The following HSPG2 variants were observed in gnomAD, a reference collection of about 807,000 sequenced individuals.
The protein encoded by HSPG2 is heparan sulfate proteoglycan 2.
A neutral mutation model predicts 526.6 loss-of-function variants in HSPG2; 278 were observed. The ratio of observed to expected loss-of-function variants is 0.53; its 90% CI spans 0.48 to 0.58. HSPG2 has a LOEUF of 0.58. HSPG2 is among the 20% of genes least tolerant of loss of function. HSPG2 has a pLI of 0.00. For missense variants in HSPG2, 5,354 were observed against 6,099.5 expected (o/e 0.88, Z 4.07); for synonymous variants, 2,465 against 2,555.4 (o/e 0.96, Z 1.07).
At chr1:21,852,868 A>C (rs1485310909) in intron 51 of HSPG2, 36 bp from the exon 52 acceptor site, 1 of 1,611,452 alleles carries the variant, frequency 6.2e-7, no homozygotes, top group Admixed American at 1.7e-5. Context: ...AGGGGGCTGG[A>C]ACAGTCCCAT....
chr1:21,916,515 A>G (rs531916283), intron 1 of HSPG2, among the ~76,000 whole-genome samples: 3 of 151,890 alleles, frequency 2.0e-5, no homozygotes, highest in Admixed American at 2.0e-4. Flanking sequence ...AAAAAAAATA[A>G]AAATAAATAA....
At chr1:21,835,676 A>G (rs2098023591) in intron 75 of HSPG2, 39 bp from the exon 76 acceptor site, 7 of 1,488,086 alleles carry the variant, frequency 4.7e-6, no homozygotes, top group Non-Finnish European at 6.6e-6. Flanking sequence ...GGAGTTGAAA[A>G]CAACTGATAG....
intron 96 of HSPG2, 55 bp from the exon 97 acceptor site, chr1:21,823,543 G>A (rs940628229): frequency 1.2e-6 from 2 of 1,610,676 alleles, no homozygotes; most frequent in Non-Finnish European, 8.5e-7. Context: ...AGGAGGCGAG[G>A]AAGGCTGGGC....
chr1:21,891,806 T>G (rs542576865), intron 3 of HSPG2, among the ~76,000 whole-genome samples: 22 of 152,326 alleles, frequency 1.4e-4, no homozygotes, highest in African/African-American at 4.8e-4. Context: ...AGATGGGGTC[T>G]TGCTATGTTG....
chr1:21,875,616 C>T lies in HSPG2; in HGVS notation c.3302+13G>A, dbSNP rs2501265. 1,581,837 of 1,597,536 alleles carry T rather than the reference C, an allele frequency of 0.99. 784,312 individuals are homozygous for T. Among genetic ancestry groups the T allele is most frequent in the East Asian group, 1 (44,858 of 44,858 alleles). The stretch of plus-strand genomic sequence containing the variant: ...CAAGCCCATGCTGGTCCTCCTGCCC[C>T]GGCTCCAGACACCTGCTCTCAGCGG... On this transcript the variant is annotated intron_variant, in intron 25 of 96. Transcript: ENST00000374695.
chr1:21,882,895 C>T (rs760653732), intron 13 of HSPG2, among the ~76,000 whole-genome samples: 2 of 152,180 alleles, frequency 1.3e-5, no homozygotes, highest in Non-Finnish European at 2.9e-5. Flanking sequence ...ACAGGGGAAT[C>T]CAGCTCCTCA....
At chr1:21,833,195 C>T in intron 80 of HSPG2, 73 bp downstream of exon 80, 2 of 1,241,464 alleles carry the variant, frequency 1.6e-6, no homozygotes, top group South Asian at 1.2e-5. Flanking sequence ...AGGGCTCCTG[C>T]CATGATGGCA....
rs767790192 is a variant in HSPG2 at position 21,823,498 on chromosome 1, G to T, written c.13004-10C>A. The T allele has an allele frequency of 1.2e-6, 2 of 1,605,918 alleles. No individual in the cohort carries two copies. The highest frequency in any genetic ancestry group is 2.2e-5 in the South Asian group (2 of 90,750). Reference sequence around the variant, plus strand: ...ACGTCAGGGGCTCCGCCTGCCGGGAGGTGAGAGGACAGGGCCTGTGGGCTC... The same window carrying T: ...ACGTCAGGGGCTCCGCCTGCCGGGATGTGAGAGGACAGGGCCTGTGGGCTC... On this transcript the variant is annotated splice_polypyrimidine_tract_variant and intron_variant, in intron 96 of 96. Transcript: ENST00000374695.
intron 9 of HSPG2, 42 bp from the exon 10 acceptor site, chr1:21,885,493 C>T (rs1641825128): frequency 6.2e-7 from 1 of 1,611,682 alleles, no homozygotes; most frequent in Non-Finnish European, 8.5e-7. Context: ...CCACCCCGTC[C>T]ATCCTCCCTG....
In HSPG2 at chr1:21,846,135, AG is replaced by A; in HGVS notation, c.8436del (p.Ser2813LeufsTer34). The A allele has an allele frequency of 1.2e-6, 2 of 1,613,010 alleles. No individual in the cohort carries two copies. Among genetic ancestry groups the A allele is most frequent in the Non-Finnish European group, 1.7e-6 (2 of 1,180,026 alleles). On this transcript the variant is annotated frameshift_variant, in exon 64 of 97. Coordinates refer to ENST00000374695, the MANE Select transcript of HSPG2 (RefSeq NM_005529.7). LOFTEE classifies it high-confidence loss of function. ...GGGACGTGGACAGCACTTGAGCCAG[AG>A]GCTTCGATGGTGACCAGGACTGAGG... The part of the protein sequence containing the change: ...LEASVLVTIE[A>X]SGSSAVHVPA...
At chr1:21,840,777 C>T (rs896869243) in intron 71 of HSPG2, among the ~76,000 whole-genome samples, 1 of 152,170 alleles carries the variant, frequency 6.6e-6, no homozygotes, top group African/African-American at 2.4e-5. Flanking sequence ...CAGGCACGTG[C>T]CACCATGCCT....
rs1258870823 is a variant in HSPG2 at position 21,833,893 on chromosome 1, G to A, written c.10753C>T (p.Arg3585Cys). The change falls in exon 78 of 97, where the codon CGT becomes TGT. Residue 3585 changes from arginine to cysteine, a missense_variant. Arg to Cys is a radical substitution (Grantham distance 180). Transcript: ENST00000374695. Reference protein sequence around the residue: ...LPQISMPQEVRVPAGSAAVFP... With the variant: ...LPQISMPQEVCVPAGSAAVFP... Reference sequence around the variant, plus strand: ...ACAGCTGCAGAACCAGCAGGCACACGGACTTCTTGGGGCATTGAGATCTGG... The same window carrying A: ...ACAGCTGCAGAACCAGCAGGCACACAGACTTCTTGGGGCATTGAGATCTGG... The A allele has an allele frequency of 1.0e-5, 16 of 1,596,626 alleles. No individual in the cohort carries two copies. Among genetic ancestry groups the A allele is most frequent in the East Asian group, 2.3e-5 (1 of 44,094 alleles).
chr1:21,912,224 C>G (rs1643717552), intron 1 of HSPG2, among the ~76,000 whole-genome samples: 3 of 152,188 alleles, frequency 2.0e-5, no homozygotes, highest in Admixed American at 2.0e-4. Flanking sequence ...CCTCTCTGAG[C>G]CTCTGTGTCT....
At chr1:21,915,601 G>T (rs191859530) in intron 1 of HSPG2, among the ~76,000 whole-genome samples, 2 of 152,200 alleles carry the variant, frequency 1.3e-5, no homozygotes, top group Admixed American at 1.3e-4. Context: ...GGGAACCAGG[G>T]ATAATGACCA....
chr1:21,886,883 C>T (rs568291204), intron 9 of HSPG2, among the ~76,000 whole-genome samples: 91 of 152,064 alleles, frequency 6.0e-4, no homozygotes, highest in Middle Eastern at 3.4e-3. Context: ...GCCATTCATC[C>T]GACCCACATA....
At chr1:21,907,865 C>T (rs1426547660) in intron 1 of HSPG2, among the ~76,000 whole-genome samples, 1 of 152,214 alleles carries the variant, frequency 6.6e-6, no homozygotes, top group Non-Finnish European at 1.5e-5. Context: ...ATATCTGGTT[C>T]AGCCCTTGGT....
At chr1:21,843,024 C>A in intron 66 of HSPG2, 103 bp from the exon 67 acceptor site, 1 of 1,379,534 alleles carries the variant, frequency 7.2e-7, no homozygotes, top group Non-Finnish European at 1.0e-6. Context: ...CCTGGGGGCG[C>A]GGTGGCTTGA....
intron 18 of HSPG2, 127 bp from the exon 19 acceptor site, chr1:21,878,790 G>A (rs1641289783): frequency 2.5e-6 from 3 of 1,187,506 alleles, no homozygotes; most frequent in Admixed American, 1.9e-5. Flanking sequence ...CTCCCTGCCC[G>A]GCAGCCTCAC....
rs760919047 is a variant in HSPG2, at chr1:21,890,023, C to T, written c.532G>A (p.Val178Ile). Residue 178 changes from valine (V) to isoleucine (I), a missense_variant, in exon 6 of 97, where the codon GTC becomes ATC. Transcript: ENST00000374695. This position sits in a 1 kb window ranked among gnomAD's most constrained non-coding sequence, Gnocchi z 4.1. ...VISSGSVASY[V>I]TSPQGFQFRR... ...AACTGGAATCCCTGGGGAGAGGTGA[C>T]GTAGGAGGCCACAGAGCCGCTGGAG... 37 of 1,613,898 alleles carry T rather than the reference C, an allele frequency of 2.3e-5. No homozygotes were observed. Among genetic ancestry groups the T allele is most frequent in the Admixed American group, 5.0e-5 (3 of 59,992 alleles).
Sources: gnomAD v4.1 joint callset for allele counts (sites outside exome capture counted in the v4.1 genomes callset) on GRCh38, gnomAD v4.1.1 for gene constraint, Gnocchi (gnomAD v3.1) non-coding constraint, MANE v1.5 for transcripts, NCBI Gene and HGNC (gene_info 2026-07-23, HGNC 2026-07-21) for gene names.